CELA2A: variants seen among roughly 807,000 people sequenced by gnomAD.
CELA2A encodes the protein chymotrypsin like elastase 2A.
In CELA2A, 31 loss-of-function variants were observed where a neutral mutation model predicts 35.3. That is an observed-to-expected ratio of 0.88 (90% CI 0.66 to 1.19). CELA2A has a LOEUF of 1.19. Among genes scored for constraint, CELA2A ranks in the 50% most tolerant of loss-of-function variants. The probability of loss-of-function intolerance (pLI) is 0.00; values close to 1 mark genes in which losing one functional copy is unlikely to be tolerated. For synonymous variants in CELA2A, 150 were observed against 149.8 expected, an observed-to-expected ratio of 1.00 and a Z score of -0.01; for missense variants, 330 against 352.9, an observed-to-expected ratio of 0.94 and a Z score of 0.52.
At chr1:15,460,115 A>C (rs1268944615) in intron 2 of CELA2A, among the ~76,000 whole-genome samples, 1 of 152,102 alleles carries the variant, frequency 6.6e-6, no homozygotes, top group Non-Finnish European at 1.5e-5. Context: ...TATGTTCCCC[A>C]TTTCCAGAGA....
At chr1:15,456,869 T>C in intron 1 of CELA2A, 76 bp downstream of exon 1, 1 of 1,585,566 alleles carries the variant, frequency 6.3e-7, no homozygotes, top group Non-Finnish European at 8.7e-7. Flanking sequence ...TGTCCTCCCC[T>C]CTCGCCCCCA....
intron 7 of CELA2A, among the ~76,000 whole-genome samples, chr1:15,469,886 A>G (rs1570802159): frequency 6.6e-6 from 1 of 152,094 alleles, no homozygotes; most frequent in South Asian, 2.1e-4. Context: ...GGGAGTCACC[A>G]TGCAGCTGGT....
chr1:15,463,055 G>A, intron 4 of CELA2A, 194 bp downstream of exon 4: 2 of 907,646 alleles, frequency 2.2e-6, no homozygotes, highest in East Asian at 2.5e-5. Context: ...GGAGGGTGAA[G>A]CAAAGACTGC....
intron 2 of CELA2A, among the ~76,000 whole-genome samples, chr1:15,460,999 A>G (rs139842629): frequency 3.0e-3 from 464 of 152,294 alleles, no homozygotes; most frequent in African/African-American, 9.7e-3. Flanking sequence ...TAATCATGGC[A>G]GAAGGGAAAG....
At position 15,457,160 on chromosome 1, in the gene CELA2A, A is replaced by C. The variant is rs777165870; in HGVS notation, c.115A>C (p.Ser39Arg). The change falls in exon 2 of 8, where the codon AGC becomes CGC. Residue 39 changes from serine to arginine, a missense_variant. Transcript: ENST00000359621. ...TGGCGGTGAAGAAGCGAGGCCCAAC[A>C]GCTGGCCCTGGCAGGTGAGTTGACC... ...VVGGEEARPN[S>R]WPWQVSLQYS... 6.2e-7 allele frequency: 1 copy of C among 1,614,170 alleles called. No homozygotes were observed. Among genetic ancestry groups the C allele is most frequent in the Non-Finnish European group, 8.5e-7 (1 of 1,180,018 alleles).
At chr1:15,459,443 C>A (rs111773447) in intron 2 of CELA2A, among the ~76,000 whole-genome samples, 4 of 151,982 alleles carry the variant, frequency 2.6e-5, no homozygotes, top group African/African-American at 9.7e-5. Flanking sequence ...GGATCACAGG[C>A]GTGAGCCTCT....
At chr1:15,461,968 C>T (rs577810519) in intron 3 of CELA2A, among the ~76,000 whole-genome samples, 1 of 152,326 alleles carries the variant, frequency 6.6e-6, no homozygotes, top group African/African-American at 2.4e-5. Flanking sequence ...CCTTGAACAA[C>T]TTAACTGACT....
At chr1:15,470,967 A>C (rs1325177001) in intron 7 of CELA2A, among the ~76,000 whole-genome samples, 1 of 152,214 alleles carries the variant, frequency 6.6e-6, no homozygotes, top group South Asian at 2.1e-4. Context: ...ACTGTCTTCT[A>C]TGCAAAAACT....
chr1:15,471,988 A>G lies in CELA2A; in HGVS notation c.793-2A>G. 6.2e-7 allele frequency: 1 copy of G among 1,614,164 alleles called. No homozygotes were observed. Among genetic ancestry groups the G allele is most frequent in the Non-Finnish European group, 8.5e-7 (1 of 1,180,008 alleles). On this transcript the variant is annotated splice_acceptor_variant, in intron 7 of 7. Coordinates refer to ENST00000359621, the MANE Select transcript of CELA2A (RefSeq NM_033440.3). LOFTEE classifies it high-confidence loss of function. ...CTGACGATTATCTTGTGTGTCCTGC[A>G]GGTGATTGCAAATAACTAACCAAAA...
Position 15,463,072 on chromosome 1 carries a change from G to A in CELA2A, c.356+211G>A, listed in dbSNP as rs538432757. 1.9e-4 allele frequency: 156 copies of A among 819,754 alleles called. 2 individuals are homozygous for A. The highest frequency in any genetic ancestry group is 1.4e-3 in the African/African-American group (80 of 58,190). 50.8% of individuals were successfully genotyped at this position (819,754 alleles called of 1,614,324 possible). A position where few individuals can be genotyped will look rare whatever the true frequency, so the allele number is the denominator to read the frequency against. ...AGGGTGAAGCAAAGACTGCCAGAGC[G>A]ACCTGGGTTTGCTGCCAGTTACACC... is the stretch of plus-strand genomic sequence containing the variant. On this transcript the variant is annotated intron_variant, in intron 4 of 7. Coordinates refer to ENST00000359621, the MANE Select transcript of CELA2A (RefSeq NM_033440.3).
intron 7 of CELA2A, among the ~76,000 whole-genome samples, chr1:15,469,430 C>T (rs1254759218): frequency 6.6e-6 from 1 of 152,204 alleles, no homozygotes; most frequent in Non-Finnish European, 1.5e-5. Flanking sequence ...CATCTGACTT[C>T]ACTAAGTTTA....
chr1:15,461,320 C>A (rs1708430644), intron 2 of CELA2A, among the ~76,000 whole-genome samples: 1 of 152,180 alleles, frequency 6.6e-6, no homozygotes, highest in South Asian at 2.1e-4. Flanking sequence ...CCTTGGCCTC[C>A]CGAAGTGTTG....
chr1:15,461,604 G>A lies in CELA2A; in HGVS notation c.173G>A (p.Cys58Tyr), dbSNP rs1188886779. 17 of 1,612,646 alleles carry A rather than the reference G, an allele frequency of 1.1e-5. No homozygotes were observed. The highest frequency in any genetic ancestry group is 1.4e-5 in the Non-Finnish European group (16 of 1,180,016). ...YSSNGKWYHTCGGSLIANSWV... is the reference protein window; with the variant it reads ...YSSNGKWYHTYGGSLIANSWV... ...TCCAATGGCAAGTGGTACCACACCTGCGGAGGGTCCCTGATAGCCAACAGC... is the reference window on the plus strand; with the variant it reads ...TCCAATGGCAAGTGGTACCACACCTACGGAGGGTCCCTGATAGCCAACAGC... Residue 58 changes from cysteine to tyrosine, a missense_variant, in exon 3 of 8, where the codon TGC becomes TAC. Coordinates refer to ENST00000359621, the MANE Select transcript of CELA2A (RefSeq NM_033440.3).
chr1:15,466,884 G>C (rs752080128), intron 6 of CELA2A, among the ~76,000 whole-genome samples: 20 of 152,202 alleles, frequency 1.3e-4, no homozygotes, highest in Non-Finnish European at 2.2e-4. Context: ...ACTGCTCTGT[G>C]TTGGACTTAG....
chr1:15,468,121 G>A (rs1451114672), intron 7 of CELA2A, among the ~76,000 whole-genome samples: 3 of 149,120 alleles, frequency 2.0e-5, no homozygotes, highest in Non-Finnish European at 3.0e-5. Context: ...AAAAGAGTGA[G>A]TGCCATAGAA....
intron 7 of CELA2A, among the ~76,000 whole-genome samples, chr1:15,471,776 C>A (rs1199479234): frequency 6.6e-6 from 1 of 152,144 alleles, no homozygotes; most frequent in Admixed American, 6.5e-5. Context: ...CTGGCTAAGA[C>A]CCCCTTTACA....
chr1:15,465,736 A>G (rs1451016820), intron 5 of CELA2A, among the ~76,000 whole-genome samples: 1 of 152,118 alleles, frequency 6.6e-6, no homozygotes, highest in Non-Finnish European at 1.5e-5. Context: ...CATTGCCAAC[A>G]GCTTCCCAGA....
chr1:15,463,575 G>C, intron 5 of CELA2A, 53 bp downstream of exon 5: 2 of 1,611,544 alleles, frequency 1.2e-6, no homozygotes, highest in Non-Finnish European at 8.5e-7. Context: ...GGTGATTCAC[G>C]TCACCCCTGT....
At chr1:15,463,889 T>TAA (rs555114414) in intron 5 of CELA2A, among the ~76,000 whole-genome samples, 5 of 142,446 alleles carry the variant, frequency 3.5e-5, no homozygotes, top group East Asian at 2.0e-4. Context: ...CTAAAAATAT[T>TAA]AAAAAAAAAA....
Sources: gnomAD v4.1 joint callset for allele counts (sites outside exome capture counted in the v4.1 genomes callset) on GRCh38, gnomAD v4.1.1 for gene constraint, MANE v1.5 for transcripts, NCBI Gene and HGNC (gene_info 2026-07-23, HGNC 2026-07-21) for gene names.